The following PITPNC1 variants were observed in gnomAD, a reference collection of about 807,000 sequenced individuals.
PITPNC1 encodes the protein phosphatidylinositol transfer protein cytoplasmic 1, also known as cytoplasmic phosphatidylinositol transfer protein 1.
PITPNC1 carries 18 observed loss-of-function variants against 44.7 expected under a neutral mutation model. The observed-to-expected ratio is 0.40, with a 90% CI of 0.28 to 0.60. The LOEUF (loss-of-function observed/expected upper bound fraction) is 0.60. Ranked by LOEUF, PITPNC1 falls within the 20% of genes least tolerant of loss-of-function variation. The pLI, the probability that PITPNC1 is intolerant of heterozygous loss-of-function variation, is 0.39. For missense variants in PITPNC1, 290 were observed against 418.4 expected (o/e 0.69, Z 2.68); for synonymous variants, 141 against 149.6 (o/e 0.94, Z 0.42).
intron 1 of PITPNC1, among the ~76,000 whole-genome samples, chr17:67,497,490 A>G (rs1404746780): frequency 6.7e-6 from 1 of 149,354 alleles, no homozygotes; most frequent in Non-Finnish European, 1.5e-5. Context: ...TTTCTATTAC[A>G]AGTAAGATAA....
intron 5 of PITPNC1, among the ~76,000 whole-genome samples, chr17:67,593,390 T>C (rs549949354): frequency 8.1e-4 from 123 of 152,014 alleles, no homozygotes; most frequent in African/African-American, 2.3e-3. Context: ...TTTTTTGGCT[T>C]TTTGATTTTT....
intron 5 of PITPNC1, among the ~76,000 whole-genome samples, chr17:67,596,291 C>G (rs1367664284): frequency 2.6e-5 from 4 of 151,992 alleles, no homozygotes; most frequent in Non-Finnish European, 5.9e-5. Context: ...ATCTGGGTCT[C>G]TTGGAATAGA....
chr17:67,544,337 C>T (rs1175398191), intron 2 of PITPNC1, among the ~76,000 whole-genome samples: 1 of 148,908 alleles, frequency 6.7e-6, no homozygotes, highest in East Asian at 2.1e-4. Context: ...CTTTTGTCAC[C>T]TTTTCTTTTC....
intron 1 of PITPNC1, among the ~76,000 whole-genome samples, chr17:67,487,191 T>G (rs956918538): frequency 1.3e-5 from 2 of 152,210 alleles, no homozygotes; most frequent in Admixed American, 6.5e-5. Context: ...TTTTTGTTTA[T>G]TTTGACAGGT....
At chr17:67,578,362 T>C in intron 5 of PITPNC1, 105 bp downstream of exon 5, 1 of 766,446 alleles carries the variant, frequency 1.3e-6, no homozygotes, top group Non-Finnish European at 2.3e-6. Context: ...GACCTGTGCC[T>C]GGGACCTCAG....
At chr17:67,647,614 G>A (rs1446406088) in intron 6 of PITPNC1, among the ~76,000 whole-genome samples, 1 of 150,016 alleles carries the variant, frequency 6.7e-6, no homozygotes, top group Non-Finnish European at 1.5e-5. Context: ...CCCAGCCCAG[G>A]AAGCTATTTT....
intron 1 of PITPNC1, among the ~76,000 whole-genome samples, chr17:67,462,925 C>A (rs563272310): frequency 1.3e-5 from 2 of 152,272 alleles, no homozygotes; most frequent in East Asian, 3.9e-4. Flanking sequence ...TGGTCTCGAA[C>A]TCCCGACGTC....
intron 1 of PITPNC1, among the ~76,000 whole-genome samples, chr17:67,408,154 A>G (rs557832959): frequency 6.6e-6 from 1 of 151,650 alleles, no homozygotes; most frequent in Non-Finnish European, 1.5e-5. Context: ...CAGTTTTACC[A>G]TGTTGCCCAG....
At chr17:67,461,102 T>C (rs1598695343) in intron 1 of PITPNC1, among the ~76,000 whole-genome samples, 2 of 152,230 alleles carry the variant, frequency 1.3e-5, no homozygotes, top group Admixed American at 1.3e-4. Context: ...TACCCGGTAC[T>C]CCTTTCTTTT....
At chr17:67,663,900 G>A (rs1268326354) in intron 6 of PITPNC1, among the ~76,000 whole-genome samples, 3 of 152,116 alleles carry the variant, frequency 2.0e-5, no homozygotes, top group African/African-American at 7.2e-5. Flanking sequence ...CCTCAATTTG[G>A]TCCAGTGACC....
rs765508312 is a variant in PITPNC1, at chr17:67,615,871, G to A, written c.367-16272G>A. ...GTCGCTGGTGCCAGTGTCTACATGT[G>A]CACATGTGAAGTGTTGGCCTAGACT... On this transcript the variant is annotated intron_variant, in intron 5 of 8. Transcript: ENST00000581322. Among the ~76,000 whole-genome samples, 39 of 152,122 alleles carry A rather than the reference G, an allele frequency of 2.6e-4. 1 individual carries two copies. The highest frequency in any genetic ancestry group is 5.3e-4 in the Non-Finnish European group (36 of 68,022).
chr17:67,604,245 G>A (rs909120498), intron 5 of PITPNC1, among the ~76,000 whole-genome samples: 2 of 152,242 alleles, frequency 1.3e-5, no homozygotes, highest in Non-Finnish European at 2.9e-5. Context: ...TTCCAGCCAT[G>A]TGTCTAGTTT....
chr17:67,596,121 G>C (rs2041456579), intron 5 of PITPNC1, among the ~76,000 whole-genome samples: 1 of 152,172 alleles, frequency 6.6e-6, no homozygotes, highest in South Asian at 2.1e-4. Context: ...CCTTGGTTGG[G>C]ATGTCAAAAC....
chr17:67,533,497 G>A (rs2040490881), intron 2 of PITPNC1, among the ~76,000 whole-genome samples: 1 of 27,220 alleles, frequency 3.7e-5, no homozygotes, highest in African/African-American at 1.4e-4. Flanking sequence ...CCAACAGAGT[G>A]AGGCCCTTGA....
At chr17:67,562,384 A>G (rs1276768780) in intron 4 of PITPNC1, among the ~76,000 whole-genome samples, 1 of 150,412 alleles carries the variant, frequency 6.6e-6, no homozygotes, top group Non-Finnish European at 1.5e-5. Flanking sequence ...CCTTCCTCTC[A>G]CCCTCCTCCA....
intron 6 of PITPNC1, among the ~76,000 whole-genome samples, chr17:67,666,654 G>T (rs1415047621): frequency 6.6e-6 from 1 of 152,226 alleles, no homozygotes; most frequent in Non-Finnish European, 1.5e-5. Context: ...TGGATGGAGA[G>T]ATTGAGAAGA....
intron 1 of PITPNC1, among the ~76,000 whole-genome samples, chr17:67,476,810 C>T (rs2039636970): frequency 6.6e-6 from 1 of 152,000 alleles, no homozygotes; most frequent in Non-Finnish European, 1.5e-5. Context: ...CGGGGCCGGG[C>T]CAGGGCTGGG....
chr17:67,482,969 C>A (rs1294672900), intron 1 of PITPNC1, among the ~76,000 whole-genome samples: 1 of 151,140 alleles, frequency 6.6e-6, no homozygotes, highest in South Asian at 2.1e-4. Context: ...GCCCTGCCGC[C>A]CTGTACCACA....
chr17:67,575,626 C>T (rs913994291), intron 4 of PITPNC1, among the ~76,000 whole-genome samples: 7 of 151,986 alleles, frequency 4.6e-5, no homozygotes, highest in East Asian at 1.9e-4. Context: ...GGTCATTGTG[C>T]GGCTGAAGCA....
Sources: allele counts gnomAD v4.1 joint callset (sites outside exome capture counted in the v4.1 genomes callset), GRCh38; gene constraint gnomAD v4.1.1; transcripts MANE v1.5; gene names NCBI Gene and HGNC (gene_info 2026-07-23, HGNC 2026-07-21).